NR3C1: variants seen among roughly 807,000 people sequenced by gnomAD.
NR3C1 encodes the protein nuclear receptor subfamily 3 group C member 1.
A neutral mutation model predicts 74.0 loss-of-function variants in NR3C1; 14 were observed. The observed-to-expected ratio is 0.19, with a 90% CI of 0.12 to 0.30. The LOEUF is 0.30. Ranked by LOEUF, NR3C1 falls within the 10% of genes least tolerant of loss-of-function variation. The pLI is 1.00. For missense variants in NR3C1, 695 were observed against 909.8 expected (o/e 0.76, Z 3.04); for synonymous variants, 308 against 332.5 (o/e 0.93, Z 0.80).
chr5:143,343,028 T>C (rs1828546625), intron 2 of NR3C1, among the ~76,000 whole-genome samples: 1 of 152,120 alleles, frequency 6.6e-6, no homozygotes, highest in African/African-American at 2.4e-5. Flanking sequence ...ATATACTAAA[T>C]AACACTAGAA....
chr5:143,284,756 A>G (rs1270964878), intron 7 of NR3C1, among the ~76,000 whole-genome samples: 2 of 152,114 alleles, frequency 1.3e-5, no homozygotes, highest in Non-Finnish European at 2.9e-5. Context: ...CAAGCAATAC[A>G]TGATTATGAT....
intron 3 of NR3C1, among the ~76,000 whole-genome samples, chr5:143,311,900 G>A (rs1246821750): frequency 6.6e-6 from 1 of 151,230 alleles, no homozygotes. Flanking sequence ...CAAATTGCTG[G>A]GATAATAGGT....
intron 7 of NR3C1, among the ~76,000 whole-genome samples, chr5:143,284,470 C>CATTACTACACTACAGAAAATCTA (rs1554282407): frequency 6.6e-6 from 1 of 151,776 alleles, no homozygotes; most frequent in Non-Finnish European, 1.5e-5. Context: ...TAATTTTACA[C>CATTACTACACTACAGAAAATCTA]ATTACTATAC....
intron 2 of NR3C1, among the ~76,000 whole-genome samples, chr5:143,335,420 T>G (rs1283537960): frequency 6.6e-6 from 1 of 152,236 alleles, no homozygotes; most frequent in Non-Finnish European, 1.5e-5. Flanking sequence ...CTAGATAGAA[T>G]GAAAAGGTAA....
intron 2 of NR3C1, among the ~76,000 whole-genome samples, chr5:143,327,674 C>T (rs1385502898): frequency 6.6e-6 from 1 of 152,242 alleles, no homozygotes; most frequent in African/African-American, 2.4e-5. Flanking sequence ...AAACCAAGGG[C>T]CACAGGCCCC....
intron 2 of NR3C1, among the ~76,000 whole-genome samples, chr5:143,361,940 C>A (rs1334251636): frequency 2.0e-5 from 3 of 152,162 alleles, no homozygotes; most frequent in Admixed American, 6.5e-5. Context: ...AATACGAATT[C>A]ATTTCCAAAA....
At chr5:143,282,296 T>C (rs1159799519) in intron 8 of NR3C1, among the ~76,000 whole-genome samples, 1 of 152,212 alleles carries the variant, frequency 6.6e-6, no homozygotes, top group Non-Finnish European at 1.5e-5. Context: ...TCTAATTTAA[T>C]GGATTAATCA....
chr5:143,302,531 A>T (rs1818711603), intron 4 of NR3C1, among the ~76,000 whole-genome samples: 1 of 152,076 alleles, frequency 6.6e-6, no homozygotes, highest in South Asian at 2.1e-4. Flanking sequence ...ATAACTTTAA[A>T]TGGTTTGGAA....
chr5:143,319,056 T>C (rs1161836593), intron 2 of NR3C1, among the ~76,000 whole-genome samples: 1 of 152,130 alleles, frequency 6.6e-6, no homozygotes, highest in African/African-American at 2.4e-5. Flanking sequence ...AGTCTGCCCT[T>C]TAAGGGGAGA....
At chr5:143,362,664 G>A (rs1832495346) in intron 2 of NR3C1, among the ~76,000 whole-genome samples, 1 of 152,022 alleles carries the variant, frequency 6.6e-6, no homozygotes, top group South Asian at 2.1e-4. Flanking sequence ...TCCAGCCAAA[G>A]ACTTGTAATT....
intron 7 of NR3C1, among the ~76,000 whole-genome samples, chr5:143,292,614 A>AAGTT (rs1816190856): frequency 6.6e-6 from 1 of 152,148 alleles, no homozygotes; most frequent in Non-Finnish European, 1.5e-5. Flanking sequence ...GAGTTTCTGG[A>AAGTT]AGTTAGAAAT....
chr5:143,321,431 C>T (rs189074068), intron 2 of NR3C1, among the ~76,000 whole-genome samples: 4 of 152,094 alleles, frequency 2.6e-5, no homozygotes, highest in East Asian at 1.9e-4. Context: ...CCACTCTGAC[C>T]GCTGCCATTC....
intron 2 of NR3C1, among the ~76,000 whole-genome samples, chr5:143,352,619 A>G (rs1830432022): frequency 6.6e-6 from 1 of 152,220 alleles, no homozygotes; most frequent in South Asian, 2.1e-4. Context: ...CAACAAAGCA[A>G]GTCAGACGAA....
chr5:143,407,404 CTAGAT>C (rs560748882), upstream of NR3C1: 15 of 152,178 alleles, frequency 9.9e-5, no homozygotes, highest in South Asian at 2.1e-3. Context: ...TTAAAATAAA[CTAGAT>C]TAGATTCTTG....
At chr5:143,319,670 C>T (rs1822932587) in intron 2 of NR3C1, among the ~76,000 whole-genome samples, 3 of 151,996 alleles carry the variant, frequency 2.0e-5, no homozygotes, top group Admixed American at 6.6e-5. Flanking sequence ...TGAGAAGAGG[C>T]GAGGGATGCT....
intron 2 of NR3C1, among the ~76,000 whole-genome samples, chr5:143,363,398 G>A (rs917383343): frequency 9.2e-5 from 14 of 151,974 alleles, no homozygotes; most frequent in East Asian, 3.9e-4. Context: ...ACAAAGAAAC[G>A]AAGTACACAG....
chr5:143,364,645 T>A (rs1273480006), intron 2 of NR3C1, among the ~76,000 whole-genome samples: 1 of 152,156 alleles, frequency 6.6e-6, no homozygotes, highest in Non-Finnish European at 1.5e-5. Flanking sequence ...AGAAGAGGTA[T>A]ACAGAGGCAA....
chr5:143,375,947 T>G (rs1462707070), intron 2 of NR3C1: 1 of 152,252 alleles, frequency 6.6e-6, no homozygotes, highest in East Asian at 1.9e-4. Context: ...AAAATTTTCA[T>G]GAACCACTTC....
chr5:143,278,593 A>C lies in NR3C1; in HGVS notation c.*3296T>G, dbSNP rs1470710457. 1 of 152,142 alleles carries C rather than the reference A, an allele frequency of 6.6e-6. No individual in the cohort carries two copies. Among genetic ancestry groups the C allele is most frequent in the Non-Finnish European group, 1.5e-5 (1 of 68,030 alleles). The allele number at this position is 152,142 out of a possible 1,614,324, so 9.4% of individuals were successfully genotyped here. On this transcript the variant is annotated 3_prime_UTR_variant, in exon 9 of 9. Transcript: ENST00000394464. ...CACTAAAACCAGACACACACACACA[A>C]AAACACATTCACCTACAGCTACAGT...
Sources: gnomAD v4.1 joint callset for allele counts (sites outside exome capture counted in the v4.1 genomes callset) on GRCh38, gnomAD v4.1.1 for gene constraint, MANE v1.5 for transcripts, NCBI Gene and HGNC (gene_info 2026-07-23, HGNC 2026-07-21) for gene names.